Variants in BRINP3 observed in about 807,000 individuals in gnomAD.
BRINP3 encodes the protein BMP/retinoic acid inducible neural specific 3, also known as BMP/retinoic acid-inducible neural-specific protein 3.
In BRINP3, 19 loss-of-function variants were observed where a neutral mutation model predicts 71.0. The ratio of observed to expected loss-of-function variants is 0.27; its 90% confidence interval spans 0.19 to 0.39. BRINP3 has a LOEUF of 0.39. Ranked by LOEUF, BRINP3 falls within the 10% of genes least tolerant of loss-of-function variation. BRINP3 has a pLI of 1.00. For missense variants in BRINP3, 959 were observed against 940.8 expected, an observed-to-expected ratio of 1.02 and a Z score of -0.25; for synonymous variants, 380 against 337.7, an observed-to-expected ratio of 1.13 and a Z score of -1.37.
At chr1:190,147,215 G>T (rs1177501661) in intron 7 of BRINP3, among the ~76,000 whole-genome samples, 1 of 151,888 alleles carries the variant, frequency 6.6e-6, no homozygotes, top group African/African-American at 2.4e-5. Flanking sequence ...ATATTTTATT[G>T]TAAATATCAA....
chr1:190,144,664 C>T (rs561730580), intron 7 of BRINP3, among the ~76,000 whole-genome samples: 1 of 151,982 alleles, frequency 6.6e-6, no homozygotes, highest in Non-Finnish European at 1.5e-5. Context: ...TATTTCTAAC[C>T]TTCTAAAGTC....
chr1:190,390,519 G>A (rs1006897512), intron 2 of BRINP3, among the ~76,000 whole-genome samples: 3 of 151,696 alleles, frequency 2.0e-5, no homozygotes, highest in Non-Finnish European at 4.4e-5. Flanking sequence ...GAAACAAAAC[G>A]TTGCAGAAAT....
chr1:190,176,000 T>G (rs2102515493), intron 6 of BRINP3, among the ~76,000 whole-genome samples: 1 of 152,272 alleles, frequency 6.6e-6, no homozygotes, highest in South Asian at 2.1e-4. Flanking sequence ...ACATGTGTTT[T>G]TGTTTTGTTT....
chr1:190,317,363 A>G (rs1162135773), intron 2 of BRINP3, among the ~76,000 whole-genome samples: 1 of 152,008 alleles, frequency 6.6e-6, no homozygotes, highest in Non-Finnish European at 1.5e-5. Flanking sequence ...AACCTCCATG[A>G]ATGGCCTTGT....
At chr1:190,317,863 C>A (rs1477637774) in intron 2 of BRINP3, among the ~76,000 whole-genome samples, 3 of 152,074 alleles carry the variant, frequency 2.0e-5, no homozygotes, top group African/African-American at 7.2e-5. Context: ...TGCACTCTAG[C>A]TGCAATTGAT....
intron 7 of BRINP3, among the ~76,000 whole-genome samples, chr1:190,101,014 C>T (rs1049490902): frequency 2.0e-5 from 3 of 152,066 alleles, no homozygotes; most frequent in Admixed American, 2.0e-4. Flanking sequence ...CCTTTTTGCT[C>T]TCTGTCTTGC....
intron 2 of BRINP3, among the ~76,000 whole-genome samples, chr1:190,442,981 C>A (rs1171036): frequency 5.1e-4 from 74 of 146,246 alleles, no homozygotes; most frequent in Non-Finnish European, 8.5e-4. Flanking sequence ...GGCACAATCT[C>A]GGCTCGCTGC....
chr1:190,271,328 A>G (rs914683125), intron 3 of BRINP3, among the ~76,000 whole-genome samples: 1 of 151,610 alleles, frequency 6.6e-6, no homozygotes, highest in African/African-American at 2.4e-5. Context: ...GATCTTGAAC[A>G]ACACATCTTA....
chr1:190,429,704 C>A (rs1028080909), intron 2 of BRINP3, among the ~76,000 whole-genome samples: 4 of 151,630 alleles, frequency 2.6e-5, no homozygotes, highest in Non-Finnish European at 4.4e-5. Flanking sequence ...GATTCTCCTG[C>A]CTCAGACTCC....
intron 7 of BRINP3, among the ~76,000 whole-genome samples, chr1:190,119,277 TTA>T (rs1280303309): frequency 1.7e-4 from 5 of 29,292 alleles, no homozygotes; most frequent in Non-Finnish European, 3.0e-4. Flanking sequence ...TTTTATTTTA[TTA>T]TTATTATTAT....
rs538008648 is a variant in BRINP3 at position 190,235,117 on chromosome 1, A to G, written c.619-640T>C. 2.0e-5 allele frequency among the ~76,000 whole-genome samples: 3 copies of G among 152,188 alleles called. No homozygotes were observed. The South Asian group carries it at 6.2e-4, about 31-fold the overall frequency. On this transcript the variant is annotated intron_variant, in intron 4 of 7. Coordinates refer to ENST00000367462, the MANE Select transcript of BRINP3 (RefSeq NM_199051.3). ...CAACTTTGACTAATCAGTTTTATCT[A>G]TCCTCAAAATTAAGCTCATGTTCAA...
At chr1:190,273,829 T>A (rs1662323312) in intron 3 of BRINP3, among the ~76,000 whole-genome samples, 1 of 151,604 alleles carries the variant, frequency 6.6e-6, no homozygotes, top group South Asian at 2.1e-4. Context: ...AAAACAATGA[T>A]ACGAAGAATC....
At chr1:190,450,964 T>A (rs1055667062) in intron 2 of BRINP3, among the ~76,000 whole-genome samples, 19 of 152,244 alleles carry the variant, frequency 1.2e-4, no homozygotes, top group Non-Finnish European at 2.2e-4. Context: ...TAATTTTTTT[T>A]CAAGGAACAT....
chr1:190,281,500 C>T (rs187442726), intron 3 of BRINP3, 60 bp downstream of exon 3: 48 of 1,472,992 alleles, frequency 3.3e-5, no homozygotes, highest in African/African-American at 3.3e-4. Flanking sequence ...CACTTTTCTG[C>T]GATTTATACG....
rs1344685109 is a variant in BRINP3 at position 190,383,097 on chromosome 1, T to TA, written c.236+71557_236+71558insT. On this transcript the variant is annotated intron_variant, in intron 2 of 7. Transcript: ENST00000367462. ...TTGGCACTCTTCCATTCCTGATATATTTTTTTTCCTCCCTATTCAACTCAT... is the reference window on the plus strand; with the variant it reads ...TTGGCACTCTTCCATTCCTGATATATATTTTTTTCCTCCCTATTCAACTCAT... Among the ~76,000 whole-genome samples the TA allele has an allele frequency of 2.0e-5, 3 of 152,040 alleles. No individual in the cohort carries two copies. In the East Asian group the frequency reaches 5.8e-4, roughly 29 times the overall value.
chr1:190,472,833 ACAC>A (rs1677223827), intron 1 of BRINP3, among the ~76,000 whole-genome samples: 1 of 151,558 alleles, frequency 6.6e-6, no homozygotes, highest in African/African-American at 2.4e-5. Flanking sequence ...ACACACACAC[ACAC>A]ACTTTGAGTC....
At chr1:190,452,250 A>G (rs1028692669) in intron 2 of BRINP3, among the ~76,000 whole-genome samples, 2 of 152,186 alleles carry the variant, frequency 1.3e-5, no homozygotes, top group Non-Finnish European at 2.9e-5. Flanking sequence ...AATAAATTAT[A>G]CTGTTCATTT....
At chr1:190,201,663 G>A (rs953145422) in intron 6 of BRINP3, among the ~76,000 whole-genome samples, 1 of 152,190 alleles carries the variant, frequency 6.6e-6, no homozygotes, top group East Asian at 1.9e-4. Flanking sequence ...TGTAGCCTAG[G>A]GACTTGGTGT....
chr1:190,369,555 T>G lies in BRINP3; in HGVS notation c.236+85100A>C, dbSNP rs143627739. 1.2e-4 allele frequency among the ~76,000 whole-genome samples: 19 copies of G among 152,190 alleles called. No homozygotes were observed. The East Asian group carries it at 3.7e-3, about 29-fold the overall frequency. ...AAAAGGTATTCACATTAATATTAAA[T>G]GTACAATCTCTGAGTATATAATGAC... On this transcript the variant is annotated intron_variant, in intron 2 of 7. Transcript: ENST00000367462.
Sources: gnomAD v4.1 joint callset for allele counts (sites outside exome capture counted in the v4.1 genomes callset) on GRCh38, gnomAD v4.1.1 for gene constraint, MANE v1.5 for transcripts, NCBI Gene and HGNC (gene_info 2026-07-23, HGNC 2026-07-21) for gene names.